Variants in SEMA6A observed in about 807,000 individuals in gnomAD.
The protein encoded by SEMA6A is semaphorin 6A.
Under a neutral mutation model 96.8 loss-of-function variants are expected in SEMA6A, and 25 were observed. The ratio of observed to expected loss-of-function variants is 0.26; its 90% CI spans 0.19 to 0.36. The LOEUF (loss-of-function observed/expected upper bound fraction) is 0.36. SEMA6A is among the 10% of genes least tolerant of loss of function. The pLI, the probability that SEMA6A is intolerant of heterozygous loss-of-function variation, is 1.00. For synonymous variants in SEMA6A, 612 were observed against 518.0 expected (o/e 1.18, Z -2.46); for missense variants, 1,363 against 1,323.1 (o/e 1.03, Z -0.47).
At chr5:116,484,429 C>G (rs1561488403) in intron 10 of SEMA6A, among the ~76,000 whole-genome samples, 1 of 151,956 alleles carries the variant, frequency 6.6e-6, no homozygotes, top group Non-Finnish European at 1.5e-5. Context: ...TTTATAGAAC[C>G]CCTACTTAAG....
chr5:116,465,248 G>T (rs759385166), intron 18 of SEMA6A, among the ~76,000 whole-genome samples: 59 of 152,140 alleles, frequency 3.9e-4, no homozygotes, highest in Admixed American at 7.9e-4. Context: ...AAAGGAACAA[G>T]ACTTTTCCAA....
chr5:116,483,267 CT>C (rs1315889335), intron 10 of SEMA6A, among the ~76,000 whole-genome samples: 7 of 152,152 alleles, frequency 4.6e-5, no homozygotes, highest in Non-Finnish European at 8.8e-5. Flanking sequence ...ACTTAGGCTT[CT>C]TTTTTTAATC....
At chr5:116,567,282 A>G (rs1342119145) in intron 1 of SEMA6A, among the ~76,000 whole-genome samples, 2 of 152,088 alleles carry the variant, frequency 1.3e-5, no homozygotes, top group African/African-American at 4.8e-5. Flanking sequence ...CCATGACATT[A>G]TGGCCTGTTT....
intron 17 of SEMA6A, chr5:116,469,389 G>A (rs1561476793): frequency 6.6e-6 from 1 of 152,106 alleles, no homozygotes; most frequent in Non-Finnish European, 1.5e-5. Flanking sequence ...CCTGAGAAAT[G>A]GAAATATAGA....
chr5:116,498,138 G>C (rs367584332), intron 3 of SEMA6A, among the ~76,000 whole-genome samples: 3 of 152,078 alleles, frequency 2.0e-5, no homozygotes, highest in East Asian at 3.9e-4. Flanking sequence ...TGAGTACAAG[G>C]GCGTTTTTGT....
At chr5:116,480,832 G>C (rs2278262) in intron 11 of SEMA6A, among the ~76,000 whole-genome samples, 70,749 of 151,882 alleles carry the variant, frequency 0.47, 16,875 homozygotes, top group East Asian at 0.77. Flanking sequence ...GTTTGATTTT[G>C]GCAGGTATGA....
Position 116,455,854 on chromosome 5 carries a change from CTT to C in SEMA6A, c.1895-8045_1895-8044del, listed in dbSNP as rs567749759. On this transcript the variant is annotated intron_variant, in intron 18 of 18. Transcript: ENST00000343348. ...GCTCTACAAATAGCTAACTGTGTGA[CTT>C]TGGGTATGTCACTCGGTCTCCAGGC... Among the ~76,000 whole-genome samples the C allele has an allele frequency of 3.5e-4, 53 of 152,130 alleles. 1 individual carries two copies. Among genetic ancestry groups the C allele is most frequent in the Non-Finnish European group, 7.2e-4 (49 of 68,022 alleles).
At chr5:116,489,245 C>T (rs968165879) in intron 7 of SEMA6A, among the ~76,000 whole-genome samples, 3 of 151,988 alleles carry the variant, frequency 2.0e-5, no homozygotes, top group African/African-American at 7.3e-5. Flanking sequence ...TTTTAAGCGG[C>T]AGCAGCAGCA....
chr5:116,565,518 A>G (rs1402231339), intron 1 of SEMA6A, among the ~76,000 whole-genome samples: 2 of 152,240 alleles, frequency 1.3e-5, no homozygotes, highest in African/African-American at 4.8e-5. Flanking sequence ...ATTAACAAGT[A>G]TTCTTATAAA....
At chr5:116,559,543 C>G (rs1760736306) in intron 1 of SEMA6A, among the ~76,000 whole-genome samples, 1 of 152,158 alleles carries the variant, frequency 6.6e-6, no homozygotes, top group African/African-American at 2.4e-5. Flanking sequence ...CAGCGCGTTA[C>G]TCCACACCGC....
At chr5:116,570,343 G>T (rs1424486398) in intron 1 of SEMA6A, among the ~76,000 whole-genome samples, 1 of 144,550 alleles carries the variant, frequency 6.9e-6, no homozygotes, top group African/African-American at 2.5e-5. Context: ...CCCCAAGAGA[G>T]TGGGGGGGGT....
At chr5:116,556,085 C>A (rs1760594584) in intron 1 of SEMA6A, among the ~76,000 whole-genome samples, 1 of 152,160 alleles carries the variant, frequency 6.6e-6, no homozygotes, top group African/African-American at 2.4e-5. Context: ...AGGCTCCTAA[C>A]TGGGCACTGG....
In SEMA6A at chr5:116,447,815, C is replaced by A; in HGVS notation, c.1895-4G>T. On this transcript the variant is annotated splice_region_variant and splice_polypyrimidine_tract_variant and intron_variant, in intron 18 of 18. Transcript: ENST00000343348. ...AGGTAACTTTCCCGAATCACTCCTG[C>A]AATAGACATCGCATATGGCGTTAAG... is the stretch of plus-strand genomic sequence containing the variant. 3 of 1,581,682 alleles carry A rather than the reference C, an allele frequency of 1.9e-6. No individual in the cohort carries two copies. Among genetic ancestry groups the A allele is most frequent in the Non-Finnish European group, 1.7e-6 (2 of 1,160,378 alleles).
Position 116,445,741 on chromosome 5 carries a change from C to T in SEMA6A, c.*872G>A, listed in dbSNP as rs1362272977. Reference sequence around the variant, plus strand: ...CCAAACACAAAGCTCAGAATTCCAGCTCCAACTTATTTACTCAGTGAATTT... The same window carrying T: ...CCAAACACAAAGCTCAGAATTCCAGTTCCAACTTATTTACTCAGTGAATTT... On this transcript the variant is annotated 3_prime_UTR_variant, in exon 19 of 19. Transcript: ENST00000343348. 1 of 152,632 alleles carries T rather than the reference C, an allele frequency of 6.6e-6. No individual in the cohort carries two copies. The highest frequency in any genetic ancestry group is 2.4e-5 in the African/African-American group (1 of 41,454). The allele number at this position is 152,632 out of a possible 1,614,324, so 9.5% of individuals were successfully genotyped here.
At chr5:116,559,535 GCGCGTTACTCCACAC>G (rs1760735657) in intron 1 of SEMA6A, among the ~76,000 whole-genome samples, 1 of 152,102 alleles carries the variant, frequency 6.6e-6, no homozygotes, top group South Asian at 2.1e-4. Context: ...CATTACAACA[GCGCGTTACTCCACAC>G]CGCCTTGTGT....
chr5:116,482,126 G>T (rs991995760), intron 11 of SEMA6A, among the ~76,000 whole-genome samples: 1 of 152,076 alleles, frequency 6.6e-6, no homozygotes. Flanking sequence ...CCCAACCCCC[G>T]CTATTGAACT....
intron 1 of SEMA6A, among the ~76,000 whole-genome samples, chr5:116,518,821 A>G (rs17140012): frequency 0.12 from 18,438 of 152,264 alleles, 1,461 homozygotes; most frequent in East Asian, 0.34. Flanking sequence ...AGTTCTGAGC[A>G]ATGAGAAGGA....
chr5:116,537,356 A>T (rs986359462), intron 1 of SEMA6A, among the ~76,000 whole-genome samples: 11 of 152,216 alleles, frequency 7.2e-5, no homozygotes, highest in African/African-American at 9.6e-5. Flanking sequence ...TGGATACTTC[A>T]TCAGATCAAG....
chr5:116,512,859 CTGTCTT>C (rs1425938208), intron 1 of SEMA6A, among the ~76,000 whole-genome samples: 4 of 152,202 alleles, frequency 2.6e-5, no homozygotes, highest in African/African-American at 4.8e-5. Flanking sequence ...GTGGCAAACT[CTGTCTT>C]TATCTCAAAA....
Sources: allele counts gnomAD v4.1 joint callset (sites outside exome capture counted in the v4.1 genomes callset), GRCh38; gene constraint gnomAD v4.1.1; transcripts MANE v1.5; gene names NCBI Gene and HGNC (gene_info 2026-07-23, HGNC 2026-07-21).